The following CDH18 variants were observed in gnomAD, a reference collection of about 807,000 sequenced individuals.
CDH18 encodes cadherin-18.
In CDH18, 31 loss-of-function variants were observed where a neutral mutation model predicts 67.9. That is an observed-to-expected ratio of 0.46 (90% CI 0.34 to 0.62). The LOEUF (loss-of-function observed/expected upper bound fraction) is 0.62, where lower values mean the gene tolerates loss of function less well. Among genes scored for constraint, CDH18 ranks in the 20% least tolerant of loss-of-function variants. The pLI is 0.01. For missense variants in CDH18, 890 were observed against 975.5 expected (o/e 0.91, Z 1.17); for synonymous variants, 362 against 347.2 (o/e 1.04, Z -0.48).
intron 3 of CDH18, among the ~76,000 whole-genome samples, chr5:19,804,951 ATTT>A (rs35396228): frequency 6.8e-6 from 1 of 147,904 alleles, no homozygotes. Flanking sequence ...TATTATTATG[ATTT>A]TTTTTTTTTG....
At chr5:19,833,073 T>TA (rs1489057892) in intron 3 of CDH18, among the ~76,000 whole-genome samples, 1 of 152,096 alleles carries the variant, frequency 6.6e-6, no homozygotes, top group Non-Finnish European at 1.5e-5. Context: ...ATGTCAATGG[T>TA]AGTTTGATGG....
Position 19,672,890 on chromosome 5 carries a change from T to C in CDH18, c.643+48457A>G, listed in dbSNP as rs528987165. The stretch of plus-strand genomic sequence containing the variant: ...CAGAAATATTTTAAGTGTCAGATTT[T>C]GAAACTTAAATCCTATTATTATAGA... On this transcript the variant is annotated intron_variant, in intron 5 of 12. Transcript: ENST00000382275. 1.9e-4 allele frequency among the ~76,000 whole-genome samples: 29 copies of C among 152,172 alleles called. No individual in the cohort carries two copies. In the East Asian group the frequency reaches 5.2e-3, roughly 27 times the overall value.
At chr5:19,491,567 G>T (rs917983427) in intron 11 of CDH18, among the ~76,000 whole-genome samples, 2 of 152,092 alleles carry the variant, frequency 1.3e-5, no homozygotes, top group Non-Finnish European at 1.5e-5. Flanking sequence ...CCTACCAATG[G>T]AGTGTGAAAT....
intron 1 of CDH18, among the ~76,000 whole-genome samples, chr5:20,273,426 C>T (rs1240966746): frequency 6.6e-6 from 1 of 151,836 alleles, no homozygotes; most frequent in Non-Finnish European, 1.5e-5. Flanking sequence ...ATAAATTTGA[C>T]TCAAGAAGCA....
At chr5:19,975,390 T>C (rs1798403771) in intron 2 of CDH18, among the ~76,000 whole-genome samples, 1 of 152,054 alleles carries the variant, frequency 6.6e-6, no homozygotes, top group Non-Finnish European at 1.5e-5. Context: ...AAAAATTGAG[T>C]AGTGCTAGAT....
chr5:20,182,326 C>G (rs1467021), intron 2 of CDH18, among the ~76,000 whole-genome samples: 105,751 of 151,706 alleles, frequency 0.7, 37,491 homozygotes, highest in African/African-American at 0.84. Flanking sequence ...TCCTCAGCCG[C>G]GTGCAATGGC....
At chr5:19,974,151 G>A (rs1253736330) in intron 2 of CDH18, among the ~76,000 whole-genome samples, 1 of 152,102 alleles carries the variant, frequency 6.6e-6, no homozygotes, top group African/African-American at 2.4e-5. Context: ...TGACAAAGGT[G>A]TAAAGGATCT....
intron 5 of CDH18, among the ~76,000 whole-genome samples, chr5:19,645,425 G>A (rs1422794041): frequency 6.6e-6 from 1 of 152,094 alleles, no homozygotes; most frequent in Non-Finnish European, 1.5e-5. Flanking sequence ...ATGGATGGGA[G>A]GTAAAGTAAC....
chr5:20,433,426 T>C (rs1245594366), intron 1 of CDH18, among the ~76,000 whole-genome samples: 3 of 152,066 alleles, frequency 2.0e-5, no homozygotes, highest in Admixed American at 6.6e-5. Flanking sequence ...TTTTGGACAA[T>C]ATACCCTGTA....
chr5:20,467,020 T>C (rs548263233), intron 1 of CDH18, among the ~76,000 whole-genome samples: 1 of 152,242 alleles, frequency 6.6e-6, no homozygotes, highest in East Asian at 1.9e-4. Flanking sequence ...GAAGATCGCC[T>C]GGCAACATTT....
At chr5:20,397,106 T>TTTTTTG (rs1024456524) in intron 1 of CDH18, among the ~76,000 whole-genome samples, 2 of 152,010 alleles carry the variant, frequency 1.3e-5, no homozygotes, top group African/African-American at 4.8e-5. Context: ...TCCACACATG[T>TTTTTTG]TTTTTGTTTT....
intron 1 of CDH18, among the ~76,000 whole-genome samples, chr5:20,339,684 C>T (rs890605114): frequency 6.6e-6 from 1 of 152,130 alleles, no homozygotes; most frequent in Non-Finnish European, 1.5e-5. Context: ...AGAAAAGATG[C>T]CTTGTGAATA....
At chr5:19,509,081 C>T (rs1744707846) in intron 10 of CDH18, among the ~76,000 whole-genome samples, 1 of 151,934 alleles carries the variant, frequency 6.6e-6, no homozygotes, top group African/African-American at 2.4e-5. Flanking sequence ...GTTGGCCAGG[C>T]TGGTCTAGAA....
At chr5:19,934,793 C>A (rs962970829) in intron 2 of CDH18, among the ~76,000 whole-genome samples, 3 of 151,218 alleles carry the variant, frequency 2.0e-5, no homozygotes, top group African/African-American at 4.8e-5. Flanking sequence ...TTATTAATAA[C>A]CTTGCACAGA....
At chr5:19,722,078 G>A (rs1307403531) in intron 4 of CDH18, among the ~76,000 whole-genome samples, 2 of 152,088 alleles carry the variant, frequency 1.3e-5, no homozygotes, top group Admixed American at 6.6e-5. Flanking sequence ...ACATGAGATG[G>A]AGTCTTGCTC....
intron 1 of CDH18, among the ~76,000 whole-genome samples, chr5:20,504,063 A>T (rs941699495): frequency 6.6e-6 from 1 of 151,534 alleles, no homozygotes; most frequent in East Asian, 1.9e-4. Context: ...AGAGAGAGAG[A>T]GTTAGTACTG....
At chr5:20,370,032 T>A (rs1742845942) in intron 1 of CDH18, among the ~76,000 whole-genome samples, 1 of 152,184 alleles carries the variant, frequency 6.6e-6, no homozygotes, top group African/African-American at 2.4e-5. Context: ...ATTTCCATTT[T>A]TATTAATATC....
At chr5:19,740,563 C>T (rs980180552) in intron 4 of CDH18, among the ~76,000 whole-genome samples, 3 of 152,058 alleles carry the variant, frequency 2.0e-5, no homozygotes, top group Non-Finnish European at 4.4e-5. Context: ...AAGACAAACA[C>T]CTTTACCAGC....
intron 5 of CDH18, among the ~76,000 whole-genome samples, chr5:19,623,601 T>C (rs1169014037): frequency 1.3e-5 from 2 of 152,122 alleles, no homozygotes; most frequent in African/African-American, 4.8e-5. Flanking sequence ...TTTTGGTTTT[T>C]GCTTTGATGG....
Sources: gnomAD v4.1 joint callset for allele counts (sites outside exome capture counted in the v4.1 genomes callset) on GRCh38, gnomAD v4.1.1 for gene constraint, MANE v1.5 for transcripts, NCBI Gene and HGNC (gene_info 2026-07-23, HGNC 2026-07-21) for gene names.